TAF3: variants seen among roughly 807,000 people sequenced by gnomAD.
TAF3 encodes TATA-box binding protein associated factor 3, also known as transcription initiation factor TFIID subunit 3.
In TAF3, 7 loss-of-function variants were observed where a neutral mutation model predicts 80.6. The observed-to-expected ratio is 0.09, with a 90% CI of 0.05 to 0.16. The LOEUF (loss-of-function observed/expected upper bound fraction) is 0.16, where lower values mean the gene tolerates loss of function less well. TAF3 is among the 10% of genes least tolerant of loss of function. TAF3 has a pLI of 1.00. For missense variants in TAF3, 921 were observed against 1,140.2 expected (o/e 0.81, Z 2.77); for synonymous variants, 444 against 446.1 (o/e 1.00, Z 0.06).
chr10:7,837,778 C>T (rs1202538780), intron 2 of TAF3, among the ~76,000 whole-genome samples: 3 of 152,130 alleles, frequency 2.0e-5, no homozygotes, highest in African/African-American at 4.8e-5. Flanking sequence ...TGCAGTGAGC[C>T]ACTGCACTCC....
chr10:7,874,632 G>C (rs981087917), intron 2 of TAF3, among the ~76,000 whole-genome samples: 3 of 150,700 alleles, frequency 2.0e-5, no homozygotes, highest in African/African-American at 7.3e-5. Context: ...GAAAGGAATA[G>C]TTTTTATGGA....
chr10:8,014,798 C>T lies in TAF3; in HGVS notation c.*47C>T. ...AAGCGGGGTCAGCCCGGGCTTCTTC[C>T]CTGGCGCCTCTGGAAGGGAGCTGGT... On this transcript the variant is annotated 3_prime_UTR_variant, in exon 7 of 7. Coordinates refer to ENST00000344293, the MANE Select transcript of TAF3 (RefSeq NM_031923.4). 4.0e-6 allele frequency: 6 copies of T among 1,505,890 alleles called. No individual in the cohort carries two copies. The highest frequency in any genetic ancestry group is 5.4e-6 in the Non-Finnish European group (6 of 1,116,356). The allele number at this position is 1,505,890 out of a possible 1,614,324, so 93.3% of individuals were successfully genotyped here.
intron 2 of TAF3, among the ~76,000 whole-genome samples, chr10:7,929,853 G>C (rs1409312153): frequency 1.3e-5 from 2 of 152,106 alleles, no homozygotes; most frequent in Non-Finnish European, 2.9e-5. Context: ...GACAAGAAAA[G>C]AGAACAGTAA....
intron 2 of TAF3, among the ~76,000 whole-genome samples, chr10:7,961,961 C>T (rs1211344959): frequency 1.3e-5 from 2 of 152,042 alleles, no homozygotes; most frequent in African/African-American, 4.8e-5. Context: ...GTGACCCTTG[C>T]ACCTCAGTCT....
intron 2 of TAF3, among the ~76,000 whole-genome samples, chr10:7,897,092 C>T (rs1837511736): frequency 6.6e-6 from 1 of 152,184 alleles, no homozygotes; most frequent in Non-Finnish European, 1.5e-5. Flanking sequence ...CCAACTTCTT[C>T]TTCTGCTACC....
At chr10:7,957,793 C>CTCTCTCTCTA (rs201526218) in intron 2 of TAF3, among the ~76,000 whole-genome samples, 8 of 15,536 alleles carry the variant, frequency 5.1e-4, no homozygotes, top group Non-Finnish European at 2.2e-3. Flanking sequence ...CTCTCTAGCG[C>CTCTCTCTCTA]GCTCTCTCTC....
chr10:7,833,255 A>G (rs967892675), intron 2 of TAF3, among the ~76,000 whole-genome samples: 1 of 152,134 alleles, frequency 6.6e-6, no homozygotes, highest in African/African-American at 2.4e-5. Context: ...TGGTAATTCT[A>G]TTTTGAGTTT....
At chr10:7,929,156 AAGAC>A (rs1837843476) in intron 2 of TAF3, among the ~76,000 whole-genome samples, 1 of 152,148 alleles carries the variant, frequency 6.6e-6, no homozygotes, top group African/African-American at 2.4e-5. Flanking sequence ...GTTTTATACA[AAGAC>A]AGGTCTTCAA....
At chr10:7,881,480 C>T (rs1016874531) in intron 2 of TAF3, among the ~76,000 whole-genome samples, 1 of 138,620 alleles carries the variant, frequency 7.2e-6, no homozygotes, top group Non-Finnish European at 1.6e-5. Context: ...CAGACACACA[C>T]ATACACACAA....
intron 2 of TAF3, among the ~76,000 whole-genome samples, chr10:7,905,985 TTGGCAACTGC>T (rs1404567836): frequency 6.6e-6 from 1 of 152,240 alleles, no homozygotes; most frequent in Non-Finnish European, 1.5e-5. Flanking sequence ...CAAAAGTTTG[TTGGCAACTGC>T]TGATCAGGCA....
chr10:7,900,176 C>G (rs903351329), intron 2 of TAF3, among the ~76,000 whole-genome samples: 5 of 152,160 alleles, frequency 3.3e-5, no homozygotes, highest in African/African-American at 1.2e-4. Context: ...TTTCCTAAGG[C>G]TTTGAACATC....
intron 4 of TAF3, among the ~76,000 whole-genome samples, chr10:7,998,265 G>A (rs7917461): frequency 0.27 from 35,481 of 131,166 alleles, 4,671 homozygotes; most frequent in East Asian, 0.5. Context: ...ATATATATAT[G>A]TATATATATA....
chr10:7,961,996 C>T (rs532902004), intron 2 of TAF3, among the ~76,000 whole-genome samples: 7 of 152,166 alleles, frequency 4.6e-5, no homozygotes, highest in South Asian at 2.1e-4. Context: ...ACTACAGGCA[C>T]GCACCACAAC....
chr10:7,902,575 G>A (rs1001042570), intron 2 of TAF3, among the ~76,000 whole-genome samples: 1 of 152,190 alleles, frequency 6.6e-6, no homozygotes, highest in African/African-American at 2.4e-5. Flanking sequence ...CCTTTTCAGT[G>A]TGTTACATCA....
chr10:7,866,544 A>G (rs1837216624), intron 2 of TAF3, among the ~76,000 whole-genome samples: 1 of 152,250 alleles, frequency 6.6e-6, no homozygotes, highest in South Asian at 2.1e-4. Flanking sequence ...GATGTTTTCA[A>G]GAAACAGCAA....
intron 2 of TAF3, among the ~76,000 whole-genome samples, chr10:7,923,766 T>G (rs2025911): frequency 0.2 from 29,853 of 152,024 alleles, 3,043 homozygotes; most frequent in East Asian, 0.3. Flanking sequence ...CAAATATTGC[T>G]ATAGTTGATC....
chr10:7,818,940 C>A, intron 1 of TAF3, 65 bp downstream of exon 1: 1 of 1,333,238 alleles, frequency 7.5e-7, no homozygotes, highest in South Asian at 1.8e-5. Flanking sequence ...TTCGCTCTCC[C>A]TGTCCCTCCG....
At chr10:7,998,923 C>G (rs1831916731) in intron 4 of TAF3, among the ~76,000 whole-genome samples, 1 of 151,842 alleles carries the variant, frequency 6.6e-6, no homozygotes, top group South Asian at 2.1e-4. Context: ...AAATAATATT[C>G]ATTATGTGTT....
At position 7,966,763 on chromosome 10, in the gene TAF3, C is replaced by A. The variant is rs1476119566; in HGVS notation, c.2232+1021C>A. On this transcript the variant is annotated intron_variant, in intron 3 of 6. Coordinates refer to ENST00000344293, the MANE Select transcript of TAF3 (RefSeq NM_031923.4). ...AATAAATTCGGAGTATTTTTAACTT[C>A]AAACTTACCTAGAAAACTGAGTGTA... Among the ~76,000 whole-genome samples the A allele has an allele frequency of 2.6e-5, 4 of 152,206 alleles. No homozygotes were observed. The East Asian group carries it at 7.7e-4, about 29-fold the overall frequency.
Sources: gnomAD v4.1 joint callset for allele counts (sites outside exome capture counted in the v4.1 genomes callset) on GRCh38, gnomAD v4.1.1 for gene constraint, MANE v1.5 for transcripts, NCBI Gene and HGNC (gene_info 2026-07-23, HGNC 2026-07-21) for gene names.